DCC: variants seen among roughly 807,000 people sequenced by gnomAD.
DCC encodes the protein netrin receptor DCC.
A neutral mutation model predicts 172.5 loss-of-function variants in DCC; 58 were observed. The observed-to-expected ratio is 0.34, with a 90% CI of 0.27 to 0.42. The LOEUF (loss-of-function observed/expected upper bound fraction) is 0.42, where lower values mean the gene tolerates loss of function less well. DCC is among the 10% of genes least tolerant of loss of function. DCC has a pLI of 1.00. For missense variants in DCC, 1,740 were observed against 1,791.0 expected (o/e 0.97, Z 0.51); for synonymous variants, 709 against 644.5 (o/e 1.10, Z -1.52).
At chr18:53,507,008 C>CT (rs1315452186) in intron 27 of DCC, among the ~76,000 whole-genome samples, 3 of 152,148 alleles carry the variant, frequency 2.0e-5, no homozygotes, top group African/African-American at 7.2e-5. Context: ...GGTCTTTCCT[C>CT]TTTAAGGAGG....
intron 22 of DCC, among the ~76,000 whole-genome samples, chr18:53,449,926 G>A (rs990801453): frequency 3.3e-5 from 5 of 151,872 alleles, no homozygotes; most frequent in Non-Finnish European, 7.4e-5. Flanking sequence ...CCATCCACTG[G>A]AAAACACCAG....
chr18:53,465,698 A>G (rs1395379724), intron 24 of DCC, among the ~76,000 whole-genome samples: 1 of 151,794 alleles, frequency 6.6e-6, no homozygotes, highest in East Asian at 1.9e-4. Context: ...TTTCCTCTTT[A>G]TTGACTCTTT....
intron 16 of DCC, among the ~76,000 whole-genome samples, chr18:53,390,167 G>C (rs549804240): frequency 6.6e-6 from 1 of 152,184 alleles, no homozygotes; most frequent in South Asian, 2.1e-4. Flanking sequence ...GAGTTTAAAG[G>C]ATCCCTTAAT....
At chr18:52,994,822 G>A (rs1349259419) in intron 5 of DCC, among the ~76,000 whole-genome samples, 2 of 152,064 alleles carry the variant, frequency 1.3e-5, no homozygotes, top group Non-Finnish European at 2.9e-5. Flanking sequence ...GACATTCATA[G>A]GCAATTAAGT....
At chr18:52,840,731 A>G (rs948590765) in intron 2 of DCC, among the ~76,000 whole-genome samples, 6 of 152,220 alleles carry the variant, frequency 3.9e-5, no homozygotes, top group African/African-American at 1.4e-4. Context: ...ATTGGAGGCT[A>G]AAAAGTAAAA....
chr18:52,659,572 A>G (rs1286564178), intron 1 of DCC, among the ~76,000 whole-genome samples: 1 of 152,224 alleles, frequency 6.6e-6, no homozygotes, highest in African/African-American at 2.4e-5. Flanking sequence ...TCAGGAACCA[A>G]ATGAACCAGG....
At chr18:52,977,709 C>A (rs1598991489) in intron 5 of DCC, among the ~76,000 whole-genome samples, 1 of 151,688 alleles carries the variant, frequency 6.6e-6, no homozygotes, top group Admixed American at 6.6e-5. Context: ...CATGGTGAAA[C>A]CCCGTCACTA....
At chr18:52,775,911 G>A (rs1349786094) in intron 2 of DCC, among the ~76,000 whole-genome samples, 4 of 152,138 alleles carry the variant, frequency 2.6e-5, no homozygotes, top group Non-Finnish European at 5.9e-5. Context: ...TTCTCTACCC[G>A]GCACTTCCCT....
chr18:52,746,192 G>A (rs1348444539), intron 1 of DCC, among the ~76,000 whole-genome samples: 2 of 152,188 alleles, frequency 1.3e-5, no homozygotes, highest in Non-Finnish European at 2.9e-5. Flanking sequence ...AGAAGCAAAT[G>A]TGGTAGCATC....
intron 27 of DCC, among the ~76,000 whole-genome samples, chr18:53,523,918 A>G (rs2046427569): frequency 6.6e-6 from 1 of 152,036 alleles, no homozygotes; most frequent in Non-Finnish European, 1.5e-5. Flanking sequence ...AAGAAGGGGG[A>G]GGCAGGAGAA....
At chr18:52,991,420 G>A (rs2041390163) in intron 5 of DCC, among the ~76,000 whole-genome samples, 1 of 152,142 alleles carries the variant, frequency 6.6e-6, no homozygotes, top group Admixed American at 6.5e-5. Context: ...GGGCGTATTA[G>A]GAGAGTAAAT....
intron 2 of DCC, among the ~76,000 whole-genome samples, chr18:52,838,730 A>G (rs747059377): frequency 1.5e-4 from 23 of 152,198 alleles, no homozygotes; most frequent in Non-Finnish European, 2.6e-4. Flanking sequence ...GTGATAATGC[A>G]AATTATTTTT....
rs562403675 is a variant in DCC at position 53,249,667 on chromosome 18, A to G, written c.1911+34070A>G. 6.6e-5 allele frequency among the ~76,000 whole-genome samples: 10 copies of G among 152,132 alleles called. No individual in the cohort carries two copies. The South Asian group carries it at 8.3e-4, about 13-fold the overall frequency. ...TACTTTTCCTTGTCTATGGAATAAT[A>G]GGAGGCGTAACAGTAGAAAGAAATG... On this transcript the variant is annotated intron_variant, in intron 12 of 28. Transcript: ENST00000442544.
intron 1 of DCC, among the ~76,000 whole-genome samples, chr18:52,623,455 T>C (rs2034518103): frequency 6.6e-6 from 1 of 152,202 alleles, no homozygotes; most frequent in Non-Finnish European, 1.5e-5. Flanking sequence ...AGATCTTTCT[T>C]CCTTTTTTGT....
chr18:52,406,964 G>T (rs772402900), intron 1 of DCC, among the ~76,000 whole-genome samples: 1 of 151,910 alleles, frequency 6.6e-6, no homozygotes, highest in Non-Finnish European at 1.5e-5. Flanking sequence ...GAATATTTTT[G>T]TTGAGATTCA....
At chr18:53,501,757 G>A (rs2046102304) in intron 27 of DCC, among the ~76,000 whole-genome samples, 2 of 152,134 alleles carry the variant, frequency 1.3e-5, no homozygotes, top group South Asian at 4.1e-4. Flanking sequence ...CACCAGTGAT[G>A]TTTAGTTTGG....
At chr18:53,392,686 A>G (rs1908634261) in intron 17 of DCC, among the ~76,000 whole-genome samples, 1 of 152,224 alleles carries the variant, frequency 6.6e-6, no homozygotes, top group East Asian at 1.9e-4. Context: ...ATCAACAAGT[A>G]GTTGTCAAGA....
At chr18:52,966,529 C>T (rs1196999044) in intron 5 of DCC, among the ~76,000 whole-genome samples, 1 of 152,134 alleles carries the variant, frequency 6.6e-6, no homozygotes, top group Non-Finnish European at 1.5e-5. Flanking sequence ...GGAGGGACAG[C>T]TGGCTTCCAG....
chr18:53,336,750 C>T (rs2057596135), intron 14 of DCC, among the ~76,000 whole-genome samples: 1 of 152,174 alleles, frequency 6.6e-6, no homozygotes, highest in Non-Finnish European at 1.5e-5. Context: ...GTGGCACATG[C>T]CTGTAGTCCC....
Sources: allele counts gnomAD v4.1 joint callset (sites outside exome capture counted in the v4.1 genomes callset), GRCh38; gene constraint gnomAD v4.1.1; transcripts MANE v1.5; gene names NCBI Gene and HGNC (gene_info 2026-07-23, HGNC 2026-07-21).